The following CAP2 variants were observed in gnomAD, a reference collection of about 807,000 sequenced individuals.
The protein encoded by CAP2 is adenylyl cyclase-associated protein 2.
CAP2 carries 24 observed loss-of-function variants against 57.7 expected under a neutral mutation model. The observed-to-expected ratio is 0.42, with a 90% CI of 0.30 to 0.58. The LOEUF (loss-of-function observed/expected upper bound fraction) is 0.58. Among genes scored for constraint, CAP2 ranks in the 20% least tolerant of loss-of-function variants. The pLI is 0.22. For missense variants in CAP2, 501 were observed against 590.3 expected (o/e 0.85, Z 1.57); for synonymous variants, 194 against 207.2 (o/e 0.94, Z 0.55).
At chr6:17,399,289 C>T (rs1758749271) in intron 1 of CAP2, among the ~76,000 whole-genome samples, 1 of 152,168 alleles carries the variant, frequency 6.6e-6, no homozygotes, top group South Asian at 2.1e-4. Context: ...TCTTGAACTC[C>T]TGACCTCAGG....
At chr6:17,476,908 G>A (rs1761162514) in intron 4 of CAP2, among the ~76,000 whole-genome samples, 1 of 116,804 alleles carries the variant, frequency 8.6e-6, no homozygotes, top group African/African-American at 3.4e-5. Context: ...ATCTCGCTCT[G>A]CTGCCCAGGC....
intron 3 of CAP2, among the ~76,000 whole-genome samples, chr6:17,443,504 C>G (rs1760151783): frequency 6.6e-6 from 1 of 152,106 alleles, no homozygotes; most frequent in South Asian, 2.1e-4. Flanking sequence ...GGAATGACCT[C>G]TTTACATACT....
At chr6:17,480,740 C>T (rs1761265662) in intron 4 of CAP2, among the ~76,000 whole-genome samples, 1 of 151,334 alleles carries the variant, frequency 6.6e-6, no homozygotes. Context: ...CCCCATCTGC[C>T]AAGATGACTT....
intron 1 of CAP2, among the ~76,000 whole-genome samples, chr6:17,406,274 C>T (rs1758965572): frequency 6.6e-6 from 1 of 152,056 alleles, no homozygotes; most frequent in South Asian, 2.1e-4. Context: ...GTAGAGTTCT[C>T]CAAGACTTGG....
At chr6:17,543,280 C>G (rs1196560219) in intron 11 of CAP2, 137 bp downstream of exon 11, 1 of 710,862 alleles carries the variant, frequency 1.4e-6, no homozygotes, top group East Asian at 2.6e-5. Context: ...TCCAACCACA[C>G]TGTAAGCTGC....
At chr6:17,537,966 C>G (rs1762812001) in intron 7 of CAP2, among the ~76,000 whole-genome samples, 1 of 152,090 alleles carries the variant, frequency 6.6e-6, no homozygotes. Flanking sequence ...ACTCAACAGG[C>G]TGAGGCAGGA....
intron 9 of CAP2, among the ~76,000 whole-genome samples, chr6:17,542,554 G>C (rs185970658): frequency 3.9e-5 from 6 of 152,132 alleles, no homozygotes; most frequent in African/African-American, 1.2e-4. Context: ...TGGCATCAAG[G>C]CCTCAACAAA....
At chr6:17,553,485 T>G (rs1261896670) in intron 12 of CAP2, among the ~76,000 whole-genome samples, 4 of 151,850 alleles carry the variant, frequency 2.6e-5, no homozygotes, top group Non-Finnish European at 4.4e-5. Context: ...TACAAAAAAT[T>G]AGCTGGGCGT....
chr6:17,524,899 T>C (rs201396190), intron 7 of CAP2, among the ~76,000 whole-genome samples: 43,309 of 140,054 alleles, frequency 0.31, 7,533 homozygotes, highest in Non-Finnish European at 0.42. Context: ...TTTTCTTTTT[T>C]TTTTTTTTTT....
intron 12 of CAP2, among the ~76,000 whole-genome samples, chr6:17,553,327 G>T (rs559229358): frequency 6.6e-6 from 1 of 151,890 alleles, no homozygotes; most frequent in East Asian, 1.9e-4. Context: ...AAACCTGAGC[G>T]TTCATGCTAA....
chr6:17,423,188 A>G (rs1759491744), intron 2 of CAP2, among the ~76,000 whole-genome samples: 1 of 152,254 alleles, frequency 6.6e-6, no homozygotes, highest in African/African-American at 2.4e-5. Flanking sequence ...CTAGAATTTC[A>G]GGCGAATTTG....
chr6:17,467,725 A>G (rs547146612), intron 4 of CAP2, among the ~76,000 whole-genome samples: 162 of 152,090 alleles, frequency 1.1e-3, no homozygotes, highest in African/African-American at 3.6e-3. Context: ...AGGTTTCACT[A>G]TGTTGGTCAG....
At chr6:17,411,084 C>T (rs907204402) in intron 1 of CAP2, among the ~76,000 whole-genome samples, 1 of 152,072 alleles carries the variant, frequency 6.6e-6, no homozygotes, top group African/African-American at 2.4e-5. Flanking sequence ...TAGTGTAATG[C>T]TTTTGAAGTT....
intron 4 of CAP2, among the ~76,000 whole-genome samples, chr6:17,464,654 C>A (rs537022642): frequency 6.6e-6 from 1 of 152,238 alleles, no homozygotes; most frequent in East Asian, 1.9e-4. Flanking sequence ...GCTGTCAGCC[C>A]CCACCCAAGA....
rs538283185 is a variant in CAP2, at chr6:17,455,814, C to T, written c.223-7182C>T. On this transcript the variant is annotated intron_variant, in intron 3 of 12. Coordinates refer to ENST00000229922, the MANE Select transcript of CAP2 (RefSeq NM_006366.3). ...CCTCCCAAAGTGCTGGGATTACAGG[C>T]GTGAGCCACCGCGCCCAGCCTAAAC... is the stretch of plus-strand genomic sequence containing the variant. Among the ~76,000 whole-genome samples the T allele has an allele frequency of 2.8e-4, 42 of 152,312 alleles. No homozygotes were observed. The South Asian group carries it at 4.8e-3, about 17-fold the overall frequency.
chr6:17,438,393 A>T lies in CAP2; in HGVS notation c.222+11703A>T, dbSNP rs147004264. Among the ~76,000 whole-genome samples the T allele has an allele frequency of 4.9e-3, 627 of 129,158 alleles. 16 individuals carry two copies. Among genetic ancestry groups the T allele is most frequent in the African/African-American group, 0.019 (591 of 30,752 alleles). The allele number at this position is 129,158 out of a possible 152,430, so 84.7% of individuals were successfully genotyped here. On this transcript the variant is annotated intron_variant, in intron 3 of 12. Coordinates refer to ENST00000229922, the MANE Select transcript of CAP2 (RefSeq NM_006366.3). Reference sequence around the variant, plus strand: ...AAAACAAACAAAAAAAGAATTGCTTATGTTGGTTTTTTTGTTTGCTTGTTT... The same window carrying T: ...AAAACAAACAAAAAAAGAATTGCTTTTGTTGGTTTTTTTGTTTGCTTGTTT...
At chr6:17,552,556 C>T (rs985097556) in intron 12 of CAP2, among the ~76,000 whole-genome samples, 4 of 152,048 alleles carry the variant, frequency 2.6e-5, no homozygotes, top group African/African-American at 7.2e-5. Context: ...TACTTGAACC[C>T]GAGAGGCGGA....
intron 8 of CAP2, among the ~76,000 whole-genome samples, chr6:17,540,552 G>C (rs1762874690): frequency 1.3e-5 from 2 of 151,950 alleles, no homozygotes; most frequent in Non-Finnish European, 2.9e-5. Context: ...GGAGTTCAAA[G>C]ACCAGCGTGG....
intron 3 of CAP2, among the ~76,000 whole-genome samples, chr6:17,451,900 AT>A (rs1760415224): frequency 6.6e-6 from 1 of 152,240 alleles, no homozygotes; most frequent in Non-Finnish European, 1.5e-5. Context: ...ATGAAAAAAA[AT>A]GTTTGACATA....
Sources: gnomAD v4.1 joint callset for allele counts (sites outside exome capture counted in the v4.1 genomes callset) on GRCh38, gnomAD v4.1.1 for gene constraint, MANE v1.5 for transcripts, NCBI Gene and HGNC (gene_info 2026-07-23, HGNC 2026-07-21) for gene names.